Variants in SYNE1 observed in about 807,000 individuals in gnomAD.
The protein encoded by SYNE1 is spectrin repeat containing nuclear envelope protein 1.
Under a neutral mutation model 1,111.0 loss-of-function variants are expected in SYNE1, and 616 were observed. The observed-to-expected ratio is 0.55, with a 90% CI of 0.52 to 0.59. The LOEUF is 0.59. Ranked by LOEUF, SYNE1 falls within the 20% of genes least tolerant of loss-of-function variation. The probability of loss-of-function intolerance (pLI) is 0.00; values close to 1 mark genes in which losing one functional copy is unlikely to be tolerated. For synonymous variants in SYNE1, 3,855 were observed against 3,825.8 expected, an observed-to-expected ratio of 1.01 and a Z score of -0.28; for missense variants, 10,006 against 10,417.0, an observed-to-expected ratio of 0.96 and a Z score of 1.72.
intron 3 of SYNE1, among the ~76,000 whole-genome samples, chr6:152,544,518 G>A (rs769145760): frequency 4.0e-5 from 6 of 151,152 alleles, no homozygotes; most frequent in Non-Finnish European, 8.8e-5. Flanking sequence ...ATATTATACC[G>A]TAGTATCCCT....
rs764550679 is a variant in SYNE1, at chr6:152,451,098, C to T, written c.3135G>A (p.Glu1045=). 9 of 1,614,126 alleles carry T rather than the reference C, an allele frequency of 5.6e-6. No individual in the cohort carries two copies. Among genetic ancestry groups the T allele is most frequent in the Non-Finnish European group, 7.6e-6 (9 of 1,180,028 alleles). The part of the protein sequence containing the change: ...VEECRTELDR[E]TKLMPQEGSE... ...TGCCTTCCTGGGGCATCAGCTTGGT[C>T]TCTCGATCCAGCTCAGTTCTGCATT... The change falls in exon 26 of 146, where the codon GAG becomes GAA. Residue 1045 remains glutamate, a synonymous_variant. Coordinates refer to ENST00000367255, the MANE Select transcript of SYNE1 (RefSeq NM_182961.4).
At chr6:152,170,873 G>C (rs377427957) in intron 130 of SYNE1, among the ~76,000 whole-genome samples, 84 of 152,326 alleles carry the variant, frequency 5.5e-4, no homozygotes, top group African/African-American at 1.9e-3. Flanking sequence ...CGTTGTGGAA[G>C]GGACCCGATG....
rs371213473 is a variant in SYNE1, at chr6:152,226,013, C to T, written c.21196-137G>A. 5.2e-5 allele frequency: 43 copies of T among 823,644 alleles called. No individual in the cohort carries two copies. In the Middle Eastern group the frequency reaches 1.1e-3, roughly 21 times the overall value. 51.0% of individuals were successfully genotyped at this position (823,644 alleles called of 1,614,324 possible). ...AAGCTTATCTCTTTCAGAAGAGGCA[C>T]GCTGCAGAAGTACTTCTTCCTACAC... On this transcript the variant is annotated intron_variant, in intron 115 of 145. Transcript: ENST00000367255.
intron 128 of SYNE1, chr6:152,185,481 C>CTAG (rs1563304117): frequency 1.3e-5 from 2 of 152,202 alleles, no homozygotes; most frequent in Non-Finnish European, 2.9e-5. Context: ...AAACAACTAA[C>CTAG]TCAAGAACGA....
intron 3 of SYNE1, among the ~76,000 whole-genome samples, chr6:152,564,682 A>AT (rs762192023): frequency 1.3e-4 from 20 of 151,894 alleles, no homozygotes; most frequent in Non-Finnish European, 2.5e-4. Flanking sequence ...AATGTTAACT[A>AT]TTCTCATGAT....
intron 88 of SYNE1, 25 bp downstream of exon 88, chr6:152,310,663 G>C: frequency 6.2e-7 from 1 of 1,609,466 alleles, no homozygotes; most frequent in Non-Finnish European, 8.5e-7. Context: ...ATTTTTTTCT[G>C]TTTCTTTTTT....
At chr6:152,625,129 T>G (rs1314203062) in intron 3 of SYNE1, among the ~76,000 whole-genome samples, 1 of 152,206 alleles carries the variant, frequency 6.6e-6, no homozygotes, top group African/African-American at 2.4e-5. Flanking sequence ...TAATGGAAAT[T>G]TACTTTTCCT....
chr6:152,461,476 A>G, intron 21 of SYNE1, 121 bp downstream of exon 21: 1 of 1,278,268 alleles, frequency 7.8e-7, no homozygotes, highest in Non-Finnish European at 1.1e-6. Context: ...GAGAATCCCA[A>G]TTAGAAACAA....
chr6:152,336,978 C>T lies in SYNE1; in HGVS notation c.12391G>A (p.Gly4131Ser). 2.5e-6 allele frequency: 4 copies of T among 1,614,038 alleles called. No individual in the cohort carries two copies. The highest frequency in any genetic ancestry group is 1.3e-5 in the African/African-American group (1 of 74,998). The change falls in exon 76 of 146, where the codon GGC (glycine) becomes AGC (serine). Residue 4131 changes from glycine to serine, a missense_variant. Physicochemically the swap from Gly to Ser is moderately conservative, Grantham distance 56 (BLOSUM62 0). Coordinates refer to ENST00000367255, the MANE Select transcript of SYNE1 (RefSeq NM_182961.4). ...TTCAGGTGCTTGATCTCTTCCCAGC[C>T]CTGAGTTAAGTTCTGGGCCTGGACA... The part of the protein sequence containing the change: ...KLVQAQNLTQ[G>S]WEEIKHLKSE...
At chr6:152,183,694 A>T (rs917741764) in intron 128 of SYNE1, among the ~76,000 whole-genome samples, 2 of 152,148 alleles carry the variant, frequency 1.3e-5, no homozygotes, top group African/African-American at 4.8e-5. Context: ...CCAAGAATGA[A>T]CTCTAGGCCT....
intron 5 of SYNE1, among the ~76,000 whole-genome samples, chr6:152,522,479 G>A (rs1369852672): frequency 6.6e-6 from 1 of 151,966 alleles, no homozygotes; most frequent in Non-Finnish European, 1.5e-5. Flanking sequence ...ACTTAGGTTG[G>A]GTCCATATCT....
At position 152,331,254 on chromosome 6, in the gene SYNE1, C is replaced by T. The variant is rs1007433720; in HGVS notation, c.13431G>A (p.Met4477Ile). 24 of 1,614,010 alleles carry T rather than the reference C, an allele frequency of 1.5e-5. No homozygotes were observed. The highest frequency in any genetic ancestry group is 2.7e-5 in the African/African-American group (2 of 74,908). ...GTAACAGACAGATGTGTTCACGGAA[C>T]ATTATCTTTCGCTCATGTTGCTGAA... ...SQIQQHERKI[M>I]FREHICLLPD... Residue 4477 changes from methionine (M) to isoleucine (I), a missense_variant, in exon 78 of 146, where the codon ATG becomes ATA. By Grantham distance (10) the Met-to-Ile change is conservative. Around this residue, in one of 7 missense-constraint regions of SYNE1, gnomAD observed 4,955 missense variants for 5,017.2 expected, o/e 0.99. Coordinates refer to ENST00000367255, the MANE Select transcript of SYNE1 (RefSeq NM_182961.4).
chr6:152,324,496 G>T (rs549618841), intron 81 of SYNE1, among the ~76,000 whole-genome samples: 25 of 151,982 alleles, frequency 1.6e-4, no homozygotes, highest in African/African-American at 5.5e-4. Flanking sequence ...TTTCAAGGCC[G>T]TTAAGAAAGC....
At chr6:152,437,194 A>G (rs908973613) in intron 32 of SYNE1, among the ~76,000 whole-genome samples, 1 of 152,168 alleles carries the variant, frequency 6.6e-6, no homozygotes, top group Non-Finnish European at 1.5e-5. Flanking sequence ...CCATTTTGTT[A>G]ACTAGTTCTC....
Position 152,263,094 on chromosome 6 carries a change from C to T in SYNE1, c.18816-906G>A, listed in dbSNP as rs6903292. The stretch of plus-strand genomic sequence containing the variant: ...GGACCTGGGAAGGTAGTATAGGACA[C>T]GGAAAGATAGTACAGGGCCTGGGAA... On this transcript the variant is annotated intron_variant, in intron 100 of 145. Coordinates refer to ENST00000367255, the MANE Select transcript of SYNE1 (RefSeq NM_182961.4). Among the ~76,000 whole-genome samples, 5 of 148,082 alleles carry T rather than the reference C, an allele frequency of 3.4e-5. No homozygotes were observed. In the East Asian group the frequency reaches 8.2e-4, roughly 24 times the overall value.
At chr6:152,174,205 C>G (rs1485110010) in intron 130 of SYNE1, among the ~76,000 whole-genome samples, 1 of 152,126 alleles carries the variant, frequency 6.6e-6, no homozygotes, top group Non-Finnish European at 1.5e-5. Context: ...CCAAAAAACT[C>G]CCCGGGGGAT....
intron 93 of SYNE1, among the ~76,000 whole-genome samples, chr6:152,297,238 C>T (rs2094923451): frequency 6.6e-6 from 1 of 152,184 alleles, no homozygotes; most frequent in Non-Finnish European, 1.5e-5. Context: ...CCCGCCTCCA[C>T]AGCTTCCAAC....
chr6:152,171,627 C>T (rs2065230717), intron 130 of SYNE1, among the ~76,000 whole-genome samples: 1 of 152,128 alleles, frequency 6.6e-6, no homozygotes, highest in South Asian at 2.1e-4. Context: ...CAGGGGCAGG[C>T]AGGAGAATGC....
intron 5 of SYNE1, among the ~76,000 whole-genome samples, chr6:152,525,534 G>A (rs1167664364): frequency 6.6e-6 from 1 of 152,060 alleles, no homozygotes; most frequent in Non-Finnish European, 1.5e-5. Context: ...CTAGCTCACT[G>A]TTAATGTTGT....
Sources: gnomAD v4.1 joint callset for allele counts (sites outside exome capture counted in the v4.1 genomes callset) on GRCh38, gnomAD v4.1.1 for gene constraint, gnomAD v4.1.1 regional missense constraint, MANE v1.5 for transcripts, NCBI Gene and HGNC (gene_info 2026-07-23, HGNC 2026-07-21) for gene names.